Variants in CCDC7 observed in about 807,000 individuals in gnomAD.
CCDC7 encodes coiled-coil domain-containing protein 7.
CCDC7 carries 183 observed loss-of-function variants against 196.9 expected under a neutral mutation model. The ratio of observed to expected loss-of-function variants is 0.93; its 90% confidence interval spans 0.82 to 1.05. The LOEUF is 1.05. Among genes scored for constraint, CCDC7 ranks in the 50% least tolerant of loss-of-function variants. The pLI is 0.00. For synonymous variants in CCDC7, 525 were observed against 484.6 expected (o/e 1.08, Z -1.10); for missense variants, 1,540 against 1,482.2 (o/e 1.04, Z -0.64).
At chr10:32,759,441 A>G (rs557470812) in intron 28 of CCDC7, among the ~76,000 whole-genome samples, 10 of 152,338 alleles carry the variant, frequency 6.6e-5, no homozygotes, top group African/African-American at 1.4e-4. Context: ...ATAATGCCAC[A>G]TATCTACAAC....
At chr10:32,729,619 G>A (rs1173200849) in intron 28 of CCDC7, among the ~76,000 whole-genome samples, 162 bp downstream of exon 29, 2 of 151,860 alleles carry the variant, frequency 1.3e-5, no homozygotes, top group African/African-American at 4.8e-5. Context: ...TAATTACTCA[G>A]TTGCATGTGT....
intron 1 of CCDC7, among the ~76,000 whole-genome samples, chr10:32,452,798 T>C (rs1349294326): frequency 6.6e-6 from 1 of 152,188 alleles, no homozygotes; most frequent in African/African-American, 2.4e-5. Context: ...TTCCTTTCTC[T>C]GAGTTTCTAT....
exon 31 of CCDC7, chr10:32,814,453 G>A (rs537308273): frequency 1.9e-6 from 3 of 1,598,730 alleles, no homozygotes; most frequent in Admixed American, 1.7e-5. Flanking sequence ...GAGTCTCCCT[G>A]GTAAGAACAA....
At chr10:32,843,107 T>TA (rs2093075520) in intron 33 of CCDC7, among the ~76,000 whole-genome samples, 1 of 150,646 alleles carries the variant, frequency 6.6e-6, no homozygotes, top group African/African-American at 2.5e-5. Context: ...TAAATTTTTT[T>TA]AAAAAATTTA....
intron 9 of CCDC7, among the ~76,000 whole-genome samples, chr10:32,496,913 G>T (rs2042996445): frequency 1.3e-5 from 2 of 152,182 alleles, no homozygotes; most frequent in African/African-American, 4.8e-5. Context: ...CATAAAATGA[G>T]TTAGGGAGGA....
intron 33 of CCDC7, among the ~76,000 whole-genome samples, chr10:32,837,816 A>T (rs936540159): frequency 6.6e-6 from 1 of 151,678 alleles, no homozygotes; most frequent in Non-Finnish European, 1.5e-5. Context: ...TCAGCAAACT[A>T]TCACAAGGAC....
At chr10:32,821,682 A>G (rs2090230953) in intron 31 of CCDC7, among the ~76,000 whole-genome samples, 1 of 152,168 alleles carries the variant, frequency 6.6e-6, no homozygotes, top group Non-Finnish European at 1.5e-5. Context: ...GAAGCTGGAA[A>G]TCATCATTCT....
At chr10:32,641,462 C>T (rs2066789388) in intron 20 of CCDC7, among the ~76,000 whole-genome samples, 1 of 152,178 alleles carries the variant, frequency 6.6e-6, no homozygotes, top group African/African-American at 2.4e-5. Flanking sequence ...GAGGCTTGTG[C>T]ATTTGTCACG....
intron 21 of CCDC7, among the ~76,000 whole-genome samples, chr10:32,680,736 C>G (rs1267986286): frequency 6.6e-6 from 1 of 152,174 alleles, no homozygotes; most frequent in Non-Finnish European, 1.5e-5. Context: ...TCACAGTCAT[C>G]TTGACACCAC....
chr10:32,701,189 G>A (rs960087586), intron 24 of CCDC7, among the ~76,000 whole-genome samples: 9 of 152,158 alleles, frequency 5.9e-5, no homozygotes, highest in Admixed American at 5.9e-4. Context: ...ATTGGCTGTG[G>A]ATTTGTCCTG....
chr10:32,530,660 G>A (rs1440931487), intron 11 of CCDC7, among the ~76,000 whole-genome samples: 1 of 152,026 alleles, frequency 6.6e-6, no homozygotes, highest in Non-Finnish European at 1.5e-5. Context: ...TTTCTTGGGG[G>A]TTGACTCTAG....
rs1219049031 is a variant in CCDC7, at chr10:32,721,913, C to A, written c.2570-4821C>A. Among the ~76,000 whole-genome samples, 3 of 152,076 alleles carry A rather than the reference C, an allele frequency of 2.0e-5. No individual in the cohort carries two copies. The South Asian group carries it at 6.2e-4, about 32-fold the overall frequency. ...GTATATTAAGTTCCTTTGTCTTGGG[C>A]AGTAGCCTCTGTGACAGTCACAAAG... On this transcript the variant is annotated intron_variant, in intron 25 of 41. Transcript: ENST00000639629.
chr10:32,682,683 C>T (rs1237330623), intron 21 of CCDC7, among the ~76,000 whole-genome samples: 1 of 152,124 alleles, frequency 6.6e-6, no homozygotes, highest in African/African-American at 2.4e-5. Flanking sequence ...TTAGTAGTAG[C>T]CATTCTGACT....
chr10:32,633,696 A>ATATATATATATATATGTG (rs779341941), intron 18 of CCDC7, among the ~76,000 whole-genome samples: 1 of 135,160 alleles, frequency 7.4e-6, no homozygotes, highest in African/African-American at 2.8e-5. Context: ...ATATATATAT[A>ATATATATATATATATGTG]TGTGTGTGTG....
chr10:32,645,973 T>C (rs2140028050), intron 20 of CCDC7, among the ~76,000 whole-genome samples: 1 of 152,126 alleles, frequency 6.6e-6, no homozygotes, highest in East Asian at 1.9e-4. Flanking sequence ...GTTTATCTTT[T>C]CAAAATACAG....
At chr10:32,694,720 T>C (rs1315785076) in intron 23 of CCDC7, among the ~76,000 whole-genome samples, 159 bp from the exon 25 acceptor site, 1 of 152,186 alleles carries the variant, frequency 6.6e-6, no homozygotes, top group Non-Finnish European at 1.5e-5. Context: ...CCATTAAAAA[T>C]GTTCTTATAG....
At chr10:32,712,271 C>A (rs978038250) in intron 25 of CCDC7, among the ~76,000 whole-genome samples, 1 of 152,068 alleles carries the variant, frequency 6.6e-6, no homozygotes, top group African/African-American at 2.4e-5. Context: ...ATGAATGGTC[C>A]CATTTATTGC....
chr10:32,470,688 G>C (rs1036801919), intron 5 of CCDC7, among the ~76,000 whole-genome samples: 2 of 152,058 alleles, frequency 1.3e-5, no homozygotes, highest in Non-Finnish European at 2.9e-5. Context: ...GAAAATTACT[G>C]TCTTTAGATA....
intron 18 of CCDC7, among the ~76,000 whole-genome samples, chr10:32,594,712 G>A (rs1374648735): frequency 9.9e-5 from 15 of 152,242 alleles, no homozygotes; most frequent in African/African-American, 3.1e-4. Context: ...TTATTGTTTC[G>A]AGATATGTCC....
Sources: allele counts gnomAD v4.1 joint callset (sites outside exome capture counted in the v4.1 genomes callset), GRCh38; gene constraint gnomAD v4.1.1; transcripts MANE v1.5; gene names NCBI Gene and HGNC (gene_info 2026-07-23, HGNC 2026-07-21).